KCNAB1: variants seen among roughly 807,000 people sequenced by gnomAD.
KCNAB1 encodes voltage-gated potassium channel subunit beta-1.
Under a neutral mutation model 64.6 loss-of-function variants are expected in KCNAB1, and 35 were observed. That is an observed-to-expected ratio of 0.54 (90% confidence interval 0.41 to 0.72). KCNAB1 has a LOEUF of 0.72. Ranked by LOEUF, KCNAB1 falls within the 30% of genes least tolerant of loss-of-function variation. The probability of loss-of-function intolerance (pLI) is 0.00; values close to 1 mark genes in which losing one functional copy is unlikely to be tolerated. For missense variants in KCNAB1, 401 were observed against 512.9 expected (o/e 0.78, Z 2.11); for synonymous variants, 177 against 183.8 (o/e 0.96, Z 0.30).
intron 8 of KCNAB1, among the ~76,000 whole-genome samples, chr3:156,482,449 G>A (rs564598125): frequency 6.6e-6 from 1 of 151,208 alleles, no homozygotes; most frequent in Admixed American, 6.6e-5. Context: ...TACATTAGAT[G>A]GTGATAATAG....
intron 1 of KCNAB1, among the ~76,000 whole-genome samples, chr3:156,331,382 G>C (rs1723318632): frequency 6.6e-6 from 1 of 152,124 alleles, no homozygotes; most frequent in African/African-American, 2.4e-5. Context: ...CGAATTGCTG[G>C]ACAGAGGTCC....
chr3:156,443,776 ACACAC>A (rs1397198751), intron 2 of KCNAB1, among the ~76,000 whole-genome samples: 36 of 143,782 alleles, frequency 2.5e-4, no homozygotes, highest in Admixed American at 8.8e-4. Flanking sequence ...ACACACACAC[ACACAC>A]TATTCTTTAC....
At chr3:156,232,638 A>G (rs1716601109) in intron 1 of KCNAB1, among the ~76,000 whole-genome samples, 1 of 152,268 alleles carries the variant, frequency 6.6e-6, no homozygotes, top group Non-Finnish European at 1.5e-5. Context: ...GGATGTCCAC[A>G]AGGCAGAAAT....
intron 1 of KCNAB1, among the ~76,000 whole-genome samples, chr3:156,249,311 C>T (rs1421952019): frequency 6.6e-6 from 1 of 151,964 alleles, no homozygotes; most frequent in Non-Finnish European, 1.5e-5. Flanking sequence ...GCCTGTAATC[C>T]CAGCACTTTG....
At chr3:156,493,286 G>C (rs1414947266) in intron 8 of KCNAB1, among the ~76,000 whole-genome samples, 4 of 152,060 alleles carry the variant, frequency 2.6e-5, no homozygotes, top group African/African-American at 7.2e-5. Context: ...ACCAAAGTGG[G>C]CTGTGCCAGA....
At position 156,331,132 on chromosome 3, in the gene KCNAB1, C is replaced by T. The variant is rs189892676; in HGVS notation, c.276-90484C>T. On this transcript the variant is annotated intron_variant, in intron 1 of 13. Transcript: ENST00000490337. ...CTGATAATCAGTCACTGGAAACCTGCTCCTAGGACCCTTGAAGTGACTGAC... is the reference window on the plus strand; with the variant it reads ...CTGATAATCAGTCACTGGAAACCTGTTCCTAGGACCCTTGAAGTGACTGAC... Among the ~76,000 whole-genome samples the T allele has an allele frequency of 3.9e-5, 6 of 152,262 alleles. No homozygotes were observed. In the East Asian group the frequency reaches 1.2e-3, roughly 29 times the overall value.
intron 1 of KCNAB1, among the ~76,000 whole-genome samples, chr3:156,190,429 G>GA (rs1210008323): frequency 1.5e-4 from 22 of 150,024 alleles, no homozygotes; most frequent in Admixed American, 9.3e-4. Context: ...ATCAAAAGTA[G>GA]AAAAAAAAAG....
intron 1 of KCNAB1, among the ~76,000 whole-genome samples, chr3:156,242,095 G>A (rs1462509740): frequency 6.6e-6 from 1 of 152,148 alleles, no homozygotes; most frequent in Non-Finnish European, 1.5e-5. Context: ...ATTCTGAAAC[G>A]TTATCGTGAA....
chr3:156,158,103 T>C (rs1439668569), intron 1 of KCNAB1, among the ~76,000 whole-genome samples: 1 of 148,954 alleles, frequency 6.7e-6, no homozygotes, highest in Non-Finnish European at 1.5e-5. Flanking sequence ...AGGCGGAGCT[T>C]GCAGTGAGGA....
intron 2 of KCNAB1, among the ~76,000 whole-genome samples, chr3:156,428,551 C>A (rs1326187534): frequency 1.4e-5 from 2 of 143,340 alleles, no homozygotes; most frequent in Non-Finnish European, 1.5e-5. Flanking sequence ...GGTTCTGTTT[C>A]TCTGGAGAAC....
At chr3:156,350,441 A>G (rs1191557813) in intron 1 of KCNAB1, among the ~76,000 whole-genome samples, 1 of 151,540 alleles carries the variant, frequency 6.6e-6, no homozygotes, top group African/African-American at 2.4e-5. Context: ...CCATTACTTG[A>G]GAGGCTAATG....
In KCNAB1 at chr3:156,346,691, C is replaced by T. The variant is rs150032355; in HGVS notation, c.276-74925C>T. ...AATAATATGCATAAATTGTCTTATT[C>T]GTAATAAGTAATCAGTGAAAGCTAG... On this transcript the variant is annotated intron_variant, in intron 1 of 13. Transcript: ENST00000490337. Among the ~76,000 whole-genome samples, 18 of 152,098 alleles carry T rather than the reference C, an allele frequency of 1.2e-4. No individual in the cohort carries two copies. The East Asian group carries it at 2.1e-3, about 18-fold the overall frequency.
chr3:156,426,306 T>TA (rs1461867700), intron 2 of KCNAB1, among the ~76,000 whole-genome samples: 2 of 152,098 alleles, frequency 1.3e-5, no homozygotes, highest in African/African-American at 2.4e-5. Flanking sequence ...ATTATTATTT[T>TA]AAAAAAATAG....
chr3:156,536,756 A>G lies in KCNAB1; in HGVS notation c.*9A>G, dbSNP rs1333471319. The G allele has an allele frequency of 1.3e-6, 2 of 1,575,992 alleles. No individual in the cohort carries two copies. Among genetic ancestry groups the G allele is most frequent in the South Asian group, 1.1e-5 (1 of 90,356 alleles). On this transcript the variant is annotated 3_prime_UTR_variant, in exon 14 of 14. Coordinates refer to ENST00000490337, the MANE Select transcript of KCNAB1 (RefSeq NM_172160.3). ...AGGACTATAGATCATAAGGCAATGC[A>G]TGAACCACAGAAGCTGCATGGTTAA...
chr3:156,314,894 G>A (rs1291731015), intron 1 of KCNAB1, among the ~76,000 whole-genome samples: 1 of 152,100 alleles, frequency 6.6e-6, no homozygotes, highest in Non-Finnish European at 1.5e-5. Context: ...CATGCCTGTA[G>A]TCCCAGCTAC....
intron 7 of KCNAB1, among the ~76,000 whole-genome samples, chr3:156,466,208 A>C (rs1159551896): frequency 6.6e-6 from 1 of 152,144 alleles, no homozygotes; most frequent in Non-Finnish European, 1.5e-5. Flanking sequence ...ACAATTCTGG[A>C]CATTTCATGT....
chr3:156,268,277 T>G (rs1175525994), intron 1 of KCNAB1, among the ~76,000 whole-genome samples: 2 of 152,252 alleles, frequency 1.3e-5, no homozygotes, highest in Non-Finnish European at 2.9e-5. Flanking sequence ...TATCTCTTGA[T>G]GGACATGTAG....
intron 1 of KCNAB1, among the ~76,000 whole-genome samples, chr3:156,168,745 T>G (rs976609411): frequency 6.6e-6 from 1 of 152,256 alleles, no homozygotes; most frequent in Non-Finnish European, 1.5e-5. Context: ...GCGAGATGTT[T>G]TCTTTTTAGG....
At chr3:156,352,689 C>T (rs908191099) in intron 1 of KCNAB1, among the ~76,000 whole-genome samples, 4 of 152,206 alleles carry the variant, frequency 2.6e-5, no homozygotes, top group Non-Finnish European at 4.4e-5. Flanking sequence ...GCGTCACACT[C>T]GATGGGTCTT....
Sources: gnomAD v4.1 joint callset for allele counts (sites outside exome capture counted in the v4.1 genomes callset) on GRCh38, gnomAD v4.1.1 for gene constraint, MANE v1.5 for transcripts, NCBI Gene and HGNC (gene_info 2026-07-23, HGNC 2026-07-21) for gene names.